Variants in FAM222B observed in about 807,000 individuals in gnomAD.
FAM222B encodes the protein protein FAM222B.
A neutral mutation model predicts 38.0 loss-of-function variants in FAM222B; 12 were observed. The observed-to-expected ratio is 0.32, with a 90% CI of 0.20 to 0.51. The LOEUF is 0.51. Among genes scored for constraint, FAM222B ranks in the 20% least tolerant of loss-of-function variants. The pLI is 0.97. For synonymous variants in FAM222B, 329 were observed against 317.2 expected (o/e 1.04, Z -0.40); for missense variants, 716 against 754.2 (o/e 0.95, Z 0.59).
At chr17:28,840,159 T>C (rs561998313) in intron 1 of FAM222B, among the ~76,000 whole-genome samples, 1 of 152,140 alleles carries the variant, frequency 6.6e-6, no homozygotes, top group South Asian at 2.1e-4. Flanking sequence ...GCGGATCACC[T>C]GGTTCGAAAC....
chr17:28,765,272 GGCAAACGACA>G (rs1461169749), intron 2 of FAM222B, among the ~76,000 whole-genome samples: 1 of 152,212 alleles, frequency 6.6e-6, no homozygotes, highest in African/African-American at 2.4e-5. Context: ...GGCAGGGGCT[GGCAAACGACA>G]GCCTGCGTGC....
intron 1 of FAM222B, among the ~76,000 whole-genome samples, chr17:28,790,884 C>CAATT (rs71135852): frequency 1.2e-5 from 1 of 86,062 alleles, no homozygotes; most frequent in African/African-American, 4.6e-5. Context: ...AATTGTTTCA[C>CAATT]TTTTTTTTTT....
chr17:28,817,182 C>T (rs979681987), intron 1 of FAM222B, among the ~76,000 whole-genome samples: 1 of 151,078 alleles, frequency 6.6e-6, no homozygotes, highest in South Asian at 2.1e-4. Flanking sequence ...GGAGGCCGAG[C>T]AGATGGATCA....
At chr17:28,852,994 G>A (rs1421163117) in intron 1 of FAM222B, among the ~76,000 whole-genome samples, 1 of 152,060 alleles carries the variant, frequency 6.6e-6, no homozygotes, top group Non-Finnish European at 1.5e-5. Flanking sequence ...GGGAGTTCAA[G>A]ACCAGCCTGA....
chr17:28,770,219 G>T (rs1396873552), intron 1 of FAM222B, among the ~76,000 whole-genome samples: 5 of 152,108 alleles, frequency 3.3e-5, no homozygotes, highest in African/African-American at 9.7e-5. Flanking sequence ...ATCTAGAAAA[G>T]CATCATCTAC....
chr17:28,829,780 CACAT>C (rs1405770215), intron 1 of FAM222B, among the ~76,000 whole-genome samples: 14 of 152,090 alleles, frequency 9.2e-5, no homozygotes, highest in Admixed American at 1.3e-4. Flanking sequence ...TGTAAACAGT[CACAT>C]ACAAGTTTTT....
chr17:28,782,912 C>A (rs1022286860), intron 1 of FAM222B, among the ~76,000 whole-genome samples: 3 of 151,962 alleles, frequency 2.0e-5, no homozygotes, highest in Admixed American at 1.3e-4. Flanking sequence ...CCGAGGCAGG[C>A]GGATCACGAG....
intron 1 of FAM222B, among the ~76,000 whole-genome samples, chr17:28,814,997 C>T (rs1013094875): frequency 9.3e-5 from 14 of 150,432 alleles, no homozygotes; most frequent in African/African-American, 3.4e-4. Flanking sequence ...TGATCTCGAA[C>T]TCCAGACCTC....
chr17:28,778,162 A>G (rs938874481), intron 1 of FAM222B, among the ~76,000 whole-genome samples: 1 of 151,964 alleles, frequency 6.6e-6, no homozygotes, highest in Non-Finnish European at 1.5e-5. Flanking sequence ...TACATGTGCC[A>G]TGGTAGTTTG....
At chr17:28,839,748 T>C (rs140181462) in intron 1 of FAM222B, among the ~76,000 whole-genome samples, 40 of 152,270 alleles carry the variant, frequency 2.6e-4, no homozygotes, top group African/African-American at 8.4e-4. Context: ...CAAAGTATTA[T>C]AGACAAATAA....
At position 28,759,716 on chromosome 17, in the gene FAM222B, G is replaced by A. The variant is rs1449501973; in HGVS notation, c.243C>T (p.Leu81=). Residue 81 remains leucine (L), a synonymous_variant, in exon 3 of 3, where the codon CTC becomes CTT. Transcript: ENST00000581407. The surrounding 1 kb of genome is among the most constrained non-coding windows in gnomAD (Gnocchi z 4.8). ...RKHVRRTVNG[L]DTSAQRYSPY... is the part of the protein sequence containing the mutation. ...GGCTGTAGCGCTGGGCTGATGTGTC[G>A]AGGCCGTTCACAGTACGACGAACGT... is the stretch of plus-strand genomic sequence containing the variant. The A allele has an allele frequency of 1.9e-6, 3 of 1,613,742 alleles. No homozygotes were observed. The highest frequency in any genetic ancestry group is 1.3e-5 in the African/African-American group (1 of 75,026).
At chr17:28,798,224 TACAA>T (rs781375038) in intron 1 of FAM222B, among the ~76,000 whole-genome samples, 3 of 151,710 alleles carry the variant, frequency 2.0e-5, no homozygotes, top group Non-Finnish European at 2.9e-5. Flanking sequence ...CTACTAAAAA[TACAA>T]ACAATTAGCC....
At chr17:28,810,439 CTG>C (rs760832534) in intron 1 of FAM222B, among the ~76,000 whole-genome samples, 1 of 129,952 alleles carries the variant, frequency 7.7e-6, no homozygotes, top group Non-Finnish European at 1.6e-5. Flanking sequence ...CTAGCTAACT[CTG>C]TTTTATATAC....
At chr17:28,830,639 G>A (rs1218670040) in intron 1 of FAM222B, among the ~76,000 whole-genome samples, 1 of 151,724 alleles carries the variant, frequency 6.6e-6, no homozygotes, top group Non-Finnish European at 1.5e-5. Context: ...TCATATCTAA[G>A]AACTCTTTGC....
intron 1 of FAM222B, among the ~76,000 whole-genome samples, chr17:28,814,664 G>A (rs535454392): frequency 5.9e-5 from 9 of 151,808 alleles, no homozygotes; most frequent in Admixed American, 2.0e-4. Flanking sequence ...ACGGGGTTTC[G>A]CCATGGTGGC....
At chr17:28,784,738 G>A (rs1275379255) in intron 1 of FAM222B, among the ~76,000 whole-genome samples, 2 of 151,988 alleles carry the variant, frequency 1.3e-5, no homozygotes, top group South Asian at 2.1e-4. Flanking sequence ...GCTGAGGCAG[G>A]AGAATTGCTT....
In FAM222B at chr17:28,779,975, CTT is replaced by C. The variant is rs201541427; in HGVS notation, c.-40-13270_-40-13269del. Among the ~76,000 whole-genome samples, 14 of 144,434 alleles carry C rather than the reference CTT, an allele frequency of 9.7e-5. No individual in the cohort carries two copies. The South Asian group carries it at 1.8e-3, about 18-fold the overall frequency. 94.8% of individuals were successfully genotyped at this position (144,434 alleles called of 152,430 possible). On this transcript the variant is annotated intron_variant, in intron 1 of 2. Transcript: ENST00000581407. ...AAAAAGACAAGGACCACTCTAGCCA[CTT>C]TTTTTTTTTTTGAGATGAAGTCTCG... is the stretch of plus-strand genomic sequence containing the variant.
In FAM222B at chr17:28,841,953, T is replaced by C. The variant is rs542871807; in HGVS notation, c.-41+729A>G. ...TTTACAAACAATACGCTTCTTATCT[T>C]AACAGAGAAATCAGTCATTCCATTA... On this transcript the variant is annotated intron_variant, in intron 1 of 2. Coordinates refer to ENST00000581407, the MANE Select transcript of FAM222B (RefSeq NM_001077498.3). 6.6e-5 allele frequency among the ~76,000 whole-genome samples: 10 copies of C among 152,318 alleles called. No homozygotes were observed. In the South Asian group the frequency reaches 2.1e-3, roughly 32 times the overall value.
At chr17:28,835,024 T>TGTGTGTGTGTGTGTG (rs2038792448) in intron 1 of FAM222B, among the ~76,000 whole-genome samples, 1 of 132,010 alleles carries the variant, frequency 7.6e-6, no homozygotes, top group Non-Finnish European at 1.6e-5. Context: ...TCAGCTAATT[T>TGTGTGTGTGTGTGTG]TGTGTGTGTG....
Sources: allele counts gnomAD v4.1 joint callset (sites outside exome capture counted in the v4.1 genomes callset), GRCh38; gene constraint gnomAD v4.1.1; non-coding constraint Gnocchi (gnomAD v3.1); transcripts MANE v1.5; gene names NCBI Gene and HGNC (gene_info 2026-07-23, HGNC 2026-07-21).